ANKRD28: variants seen among roughly 807,000 people sequenced by gnomAD.
ANKRD28 encodes serine/threonine-protein phosphatase 6 regulatory ankyrin repeat subunit A.
Under a neutral mutation model 126.5 loss-of-function variants are expected in ANKRD28, and 44 were observed. The observed-to-expected ratio is 0.35, with a 90% CI of 0.27 to 0.45. ANKRD28 has a LOEUF of 0.45. Ranked by LOEUF, ANKRD28 falls within the 20% of genes least tolerant of loss-of-function variation. The pLI, the probability that ANKRD28 is intolerant of heterozygous loss-of-function variation, is 1.00. For missense variants in ANKRD28, 1,110 were observed against 1,316.6 expected (o/e 0.84, Z 2.43); for synonymous variants, 442 against 468.5 (o/e 0.94, Z 0.73).
At chr3:15,688,308 T>C (rs576786972) in intron 18 of ANKRD28, among the ~76,000 whole-genome samples, 1 of 152,226 alleles carries the variant, frequency 6.6e-6, no homozygotes, top group Non-Finnish European at 1.5e-5. Flanking sequence ...TTTTATATTT[T>C]AGGAACAGGG....
At chr3:15,675,817 T>G in intron 27 of ANKRD28, 81 bp downstream of exon 27, 2 of 1,208,212 alleles carry the variant, frequency 1.7e-6, no homozygotes, top group South Asian at 3.7e-5. Flanking sequence ...CAATAAAAAA[T>G]ATCCAAGTTT....
At chr3:15,858,060 T>C (rs1261892896) in intron 1 of ANKRD28, among the ~76,000 whole-genome samples, 1 of 152,360 alleles carries the variant, frequency 6.6e-6, no homozygotes, top group South Asian at 2.1e-4. Context: ...TGCTGTCCAG[T>C]AGAACTATCT....
At chr3:15,852,270 T>G (rs2061668987) in intron 1 of ANKRD28, among the ~76,000 whole-genome samples, 1 of 152,216 alleles carries the variant, frequency 6.6e-6, no homozygotes, top group South Asian at 2.1e-4. Context: ...GAGAAAAGGC[T>G]GCCTCTCTAT....
Position 15,690,004 on chromosome 3 carries a change from T to C in ANKRD28, c.1963+15A>G. 3 of 1,586,884 alleles carry C rather than the reference T, an allele frequency of 1.9e-6. No individual in the cohort carries two copies. The highest frequency in any genetic ancestry group is 2.6e-6 in the Non-Finnish European group (3 of 1,163,872). ...ATAGAAGTTATAAATAAATCAAGCA[T>C]AATATCTGGCATACCTGCTGCATGA... On this transcript the variant is annotated intron_variant, in intron 18 of 27. Coordinates refer to ENST00000683139, the MANE Select transcript of ANKRD28 (RefSeq NM_001349278.2).
intron 2 of ANKRD28, among the ~76,000 whole-genome samples, chr3:15,781,057 G>A (rs534957403): frequency 1.3e-4 from 20 of 150,564 alleles, no homozygotes; most frequent in African/African-American, 4.9e-4. Context: ...ACAAAAACTG[G>A]CAAATGGGAC....
At chr3:15,743,473 G>T in intron 4 of ANKRD28, among the ~76,000 whole-genome samples, 1 of 151,824 alleles carries the variant, frequency 6.6e-6, no homozygotes, top group Non-Finnish European at 1.5e-5. Context: ...TATCTTGACA[G>T]ACCTAAAATG....
chr3:15,670,830 C>A (rs1025236170), intron 27 of ANKRD28, among the ~76,000 whole-genome samples: 17 of 152,182 alleles, frequency 1.1e-4, no homozygotes, highest in African/African-American at 4.1e-4. Flanking sequence ...TTATCCGTAT[C>A]CATCTGAATT....
intron 2 of ANKRD28, 55 bp downstream of exon 2, chr3:15,795,168 A>G (rs952931699): frequency 1.6e-5 from 19 of 1,207,612 alleles, no homozygotes; most frequent in Middle Eastern, 2.0e-4. Context: ...CAATTCTAGG[A>G]AAGAATTTTA....
chr3:15,695,142 G>A, intron 16 of ANKRD28, 46 bp downstream of exon 16: 2 of 1,463,430 alleles, frequency 1.4e-6, no homozygotes, highest in South Asian at 2.4e-5. Flanking sequence ...TGGTAGGAGG[G>A]AACTGACCAA....
Position 15,685,297 on chromosome 3 carries a change from G to A in ANKRD28, c.2318C>T (p.Ala773Val), listed in dbSNP as rs1167052520. The change falls in exon 21 of 28, where the codon GCA becomes GTA. Residue 773 changes from alanine (A) to valine (V), a missense_variant. Ala to Val is a moderately conservative substitution (Grantham distance 64). Transcript: ENST00000683139. ...GVLGALLQSA[A>V]SMDANPATAD... is the part of the protein sequence containing the mutation. ...TGTGGCTGGATTTGCATCCATAGAT[G>A]CTGCTGACTGCAAAAGGGCTCCAAG... 7 of 1,614,010 alleles carry A rather than the reference G, an allele frequency of 4.3e-6. No individual in the cohort carries two copies. In the East Asian group the frequency reaches 8.9e-5, roughly 21 times the overall value.
Position 15,670,208 on chromosome 3 carries a change from C to G in ANKRD28, c.*62G>C. On this transcript the variant is annotated 3_prime_UTR_variant, in exon 28 of 28. Transcript: ENST00000683139. ...GAATTTCTACGTGAATATCAAAGTG[C>G]CTTTTTCCTGAAAAAGCACAGTTTG... 3 of 1,543,782 alleles carry G rather than the reference C, an allele frequency of 1.9e-6. No individual in the cohort carries two copies. Among genetic ancestry groups the G allele is most frequent in the East Asian group, 2.3e-5 (1 of 43,780 alleles).
At chr3:15,840,486 C>T (rs553736250) in intron 1 of ANKRD28, among the ~76,000 whole-genome samples, 1 of 151,902 alleles carries the variant, frequency 6.6e-6, no homozygotes, top group Non-Finnish European at 1.5e-5. Flanking sequence ...AGATTTAATG[C>T]AATGCCAATG....
At chr3:15,753,926 T>C (rs956298160) in intron 3 of ANKRD28, among the ~76,000 whole-genome samples, 5 of 152,076 alleles carry the variant, frequency 3.3e-5, no homozygotes, top group East Asian at 1.9e-4. Context: ...CTGGGCAAGA[T>C]AGTGAGACTC....
At chr3:15,778,624 A>C (rs574537512) in intron 2 of ANKRD28, among the ~76,000 whole-genome samples, 6 of 152,246 alleles carry the variant, frequency 3.9e-5, no homozygotes, top group Admixed American at 3.9e-4. Context: ...TCATACGTCT[A>C]ATCTCCTACT....
chr3:15,715,838 C>G (rs574440875), intron 8 of ANKRD28, among the ~76,000 whole-genome samples: 1 of 151,318 alleles, frequency 6.6e-6, no homozygotes, highest in East Asian at 1.9e-4. Context: ...TTTGTTTTAC[C>G]ATTATTTTTC....
intron 21 of ANKRD28, 147 bp from the exon 22 acceptor site, chr3:15,679,710 A>G: frequency 1.5e-6 from 1 of 657,866 alleles, no homozygotes; most frequent in Middle Eastern, 4.2e-4. Flanking sequence ...AACCATTGGT[A>G]GCTGTTAAGC....
In ANKRD28 at chr3:15,843,338, A is replaced by G. The variant is rs577866010; in HGVS notation, c.27+16039T>C. Among the ~76,000 whole-genome samples, 7 of 152,286 alleles carry G rather than the reference A, an allele frequency of 4.6e-5. No homozygotes were observed. In the East Asian group the frequency reaches 1.4e-3, roughly 29 times the overall value. Reference sequence around the variant, plus strand: ...TCCAATCACCTCTCACCAGACCCCAATCCCAACACTAAAGATTACATGTCA... The same window carrying G: ...TCCAATCACCTCTCACCAGACCCCAGTCCCAACACTAAAGATTACATGTCA... On this transcript the variant is annotated intron_variant, in intron 1 of 27. Coordinates refer to the ANKRD28 transcript ENST00000399451. This position sits in a 1 kb window ranked among gnomAD's most constrained non-coding sequence, Gnocchi z 5.2.
intron 27 of ANKRD28, among the ~76,000 whole-genome samples, chr3:15,671,322 C>T (rs578156236): frequency 1.4e-4 from 22 of 152,188 alleles, no homozygotes; most frequent in Admixed American, 7.9e-4. Context: ...GTCTTGAGGA[C>T]GGAGCGGGAG....
At chr3:15,713,470 G>A in intron 10 of ANKRD28, 57 bp downstream of exon 10, 1 of 1,368,860 alleles carries the variant, frequency 7.3e-7, no homozygotes, top group Non-Finnish European at 1.0e-6. Context: ...GAAAACTGCA[G>A]TTCACTTCCC....
Sources: gnomAD v4.1 joint callset for allele counts (sites outside exome capture counted in the v4.1 genomes callset) on GRCh38, gnomAD v4.1.1 for gene constraint, Gnocchi (gnomAD v3.1) non-coding constraint, MANE v1.5 for transcripts, NCBI Gene and HGNC (gene_info 2026-07-23, HGNC 2026-07-21) for gene names.